Variants in PALM2AKAP2 observed in about 807,000 individuals in gnomAD.
The protein encoded by PALM2AKAP2 is PALM2-AKAP2 fusion protein.
PALM2AKAP2 carries 37 observed loss-of-function variants against 71.5 expected under a neutral mutation model. The observed-to-expected ratio is 0.52, with a 90% CI of 0.40 to 0.68. PALM2AKAP2 has a LOEUF of 0.68. Ranked by LOEUF, PALM2AKAP2 falls within the 30% of genes least tolerant of loss-of-function variation. The pLI is 0.00. For missense variants in PALM2AKAP2, 1,224 were observed against 1,191.8 expected, an observed-to-expected ratio of 1.03 and a Z score of -0.40; for synonymous variants, 468 against 478.8, an observed-to-expected ratio of 0.98 and a Z score of 0.29.
chr9:110,165,205 A>G (rs1185240797), intron 3 of PALM2AKAP2, among the ~76,000 whole-genome samples: 2 of 152,102 alleles, frequency 1.3e-5, no homozygotes, highest in Non-Finnish European at 1.5e-5. Context: ...TTGCCCAGAA[A>G]ATAAAGGAAT....
At chr9:109,995,002 A>G (rs1411818491) in intron 6 of PALM2AKAP2, among the ~76,000 whole-genome samples, 1 of 152,224 alleles carries the variant, frequency 6.6e-6, no homozygotes, top group Non-Finnish European at 1.5e-5. Context: ...CAGGGCTGCC[A>G]TGTATAACAC....
At chr9:110,132,032 C>CGCGTGT (rs1049587808) in intron 1 of PALM2AKAP2, among the ~76,000 whole-genome samples, 5 of 147,426 alleles carry the variant, frequency 3.4e-5, no homozygotes, top group Admixed American at 1.3e-4. Flanking sequence ...AAGTAACTAG[C>CGCGTGT]GTGTGTGTGT....
At chr9:109,657,782 C>G (rs1466037737) in intron 1 of PALM2AKAP2, among the ~76,000 whole-genome samples, 1 of 152,070 alleles carries the variant, frequency 6.6e-6, no homozygotes, top group African/African-American at 2.4e-5. Context: ...AACCTAAGCT[C>G]TCCCTGCTCA....
chr9:109,872,120 AG>A (rs1829614739), intron 2 of PALM2AKAP2, among the ~76,000 whole-genome samples: 1 of 152,148 alleles, frequency 6.6e-6, no homozygotes, highest in Non-Finnish European at 1.5e-5. Context: ...TTCCTGTGCC[AG>A]TATTGTTCTC....
At chr9:109,974,711 C>T (rs1431955835) in intron 6 of PALM2AKAP2, among the ~76,000 whole-genome samples, 3 of 152,144 alleles carry the variant, frequency 2.0e-5, no homozygotes, top group African/African-American at 7.2e-5. Context: ...TGCTGCAGCA[C>T]CAGAGTATGG....
intron 1 of PALM2AKAP2, among the ~76,000 whole-genome samples, chr9:110,117,437 C>G (rs1464600005): frequency 6.6e-6 from 1 of 152,184 alleles, no homozygotes; most frequent in East Asian, 1.9e-4. Flanking sequence ...TAATCCACAT[C>G]TCTATGAAAT....
chr9:109,843,716 A>C (rs891628461), intron 1 of PALM2AKAP2, among the ~76,000 whole-genome samples: 4 of 152,198 alleles, frequency 2.6e-5, no homozygotes, highest in South Asian at 2.1e-4. Flanking sequence ...TTATTAAAGG[A>C]AAGTGGCTGA....
chr9:109,659,571 T>G (rs1827359347), intron 1 of PALM2AKAP2, among the ~76,000 whole-genome samples: 1 of 152,334 alleles, frequency 6.6e-6, no homozygotes, highest in African/African-American at 2.4e-5. Context: ...AAGGTCCTTC[T>G]ACACCATAGT....
At chr9:110,084,046 C>T (rs1834506485) in intron 1 of PALM2AKAP2, among the ~76,000 whole-genome samples, 1 of 152,188 alleles carries the variant, frequency 6.6e-6, no homozygotes, top group African/African-American at 2.4e-5. Context: ...ATGCCAGAGG[C>T]TCAGGAAGTG....
chr9:109,941,854 C>A (rs1179297828), intron 6 of PALM2AKAP2, among the ~76,000 whole-genome samples: 4 of 152,182 alleles, frequency 2.6e-5, no homozygotes, highest in African/African-American at 9.6e-5. Flanking sequence ...TTCCAACAAT[C>A]TAGGGAAGAG....
In PALM2AKAP2 at chr9:110,016,831, C is replaced by A. The variant is rs146112590; in HGVS notation, c.582+792C>A. Among the ~76,000 whole-genome samples the A allele has an allele frequency of 1.2e-4, 18 of 152,240 alleles. No individual in the cohort carries two copies. The East Asian group carries it at 3.5e-3, about 29-fold the overall frequency. ...GAATATATGCTACTTATGAATTTTT[C>A]TTTGAAAAATAAGAAGTAATGTCTT... On this transcript the variant is annotated intron_variant, in intron 7 of 9. Transcript: ENST00000302798.
At position 109,999,842 on chromosome 9, in the gene PALM2AKAP2, A is replaced by G. The variant is rs150726883; in HGVS notation, c.497-16112A>G. Among the ~76,000 whole-genome samples the G allele has an allele frequency of 3.3e-3, 501 of 152,246 alleles. 1 individual carries two copies. Among genetic ancestry groups the G allele is most frequent in the African/African-American group, 0.011 (472 of 41,542 alleles). ...GAGATGCCACACTGGGGCTGAGCTA[A>G]GACACCACCAAGGAGGAGCTGGCAG... On this transcript the variant is annotated intron_variant, in intron 6 of 9. Transcript: ENST00000302798.
chr9:110,084,723 T>G (rs951527499), intron 1 of PALM2AKAP2, among the ~76,000 whole-genome samples: 1 of 149,148 alleles, frequency 6.7e-6, no homozygotes, highest in African/African-American at 2.6e-5. Flanking sequence ...TACCATACTT[T>G]GTTTGTTTGT....
At chr9:110,014,822 A>T (rs1294586913) in intron 6 of PALM2AKAP2, among the ~76,000 whole-genome samples, 4 of 86,270 alleles carry the variant, frequency 4.6e-5, no homozygotes, top group Non-Finnish European at 9.8e-5. Context: ...ATATATATAT[A>T]TATATATATA....
chr9:109,840,799 A>T (rs2131582167), intron 1 of PALM2AKAP2, among the ~76,000 whole-genome samples: 1 of 152,364 alleles, frequency 6.6e-6, no homozygotes, highest in South Asian at 2.1e-4. Flanking sequence ...AGAGAAATGC[A>T]GATCAAAACC....
At position 110,137,786 on chromosome 9, in the gene PALM2AKAP2, T is replaced by G. The variant is rs145450139; in HGVS notation, c.1816T>G (p.Ser606Ala). The G allele has an allele frequency of 3.0e-5, 48 of 1,614,070 alleles. No individual in the cohort carries two copies. In the African/African-American group the frequency reaches 5.7e-4, roughly 19 times the overall value. ...GACAACCAATGCCCTCCAGGAAAAT[T>G]CACTGGCTGATTTTTCTCTGCCCCA... is the stretch of plus-strand genomic sequence containing the variant. The change falls in exon 2 of 4, where the codon TCA (serine) becomes GCA (alanine). Residue 606 changes from serine (S) to alanine (A), a missense_variant. Transcript: ENST00000374525.
chr9:109,835,124 A>G (rs1828423204), intron 1 of PALM2AKAP2, among the ~76,000 whole-genome samples: 1 of 151,592 alleles, frequency 6.6e-6, no homozygotes, highest in Admixed American at 6.6e-5. Flanking sequence ...CCAGTGGTTG[A>G]GAAGCAGAGG....
rs34958946 is a variant in PALM2AKAP2, at chr9:110,111,086, C to CTTTTTTTTTTTTTTTTTTTTTTTTT, written c.157-25018_157-25017insTTTTTTTTTTTTTTTTTTTTTTTTT. On this transcript the variant is annotated intron_variant, in intron 1 of 3. Transcript: ENST00000374525. ...TCCTTTTTTCTTTTCTTTCTTTCTTCTTTTTTTTTTTTTTTTTTTTTTTGA... is the reference window on the plus strand; with the variant it reads ...TCCTTTTTTCTTTTCTTTCTTTCTTCTTTTTTTTTTTTTTTTTTTTTTTTTTTTTTTTTTTTTTTTTTTTTTTTGA... Among the ~76,000 whole-genome samples, 74 of 84,188 alleles carry CTTTTTTTTTTTTTTTTTTTTTTTTT rather than the reference C, an allele frequency of 8.8e-4. 1 individual carries two copies. The highest frequency in any genetic ancestry group is 1.2e-3 in the African/African-American group (24 of 20,334). 55.2% of individuals were successfully genotyped at this position (84,188 alleles called of 152,430 possible). A position where few individuals can be genotyped will look rare whatever the true frequency, so the allele number is the denominator to read the frequency against.
At chr9:109,842,156 T>G (rs1048278364) in intron 1 of PALM2AKAP2, among the ~76,000 whole-genome samples, 6 of 152,128 alleles carry the variant, frequency 3.9e-5, no homozygotes, top group African/African-American at 1.4e-4. Context: ...AAGAGGGTTG[T>G]TGTGACAATT....
Sources: allele counts gnomAD v4.1 joint callset (sites outside exome capture counted in the v4.1 genomes callset), GRCh38; gene constraint gnomAD v4.1.1; transcripts MANE v1.5; gene names NCBI Gene and HGNC (gene_info 2026-07-23, HGNC 2026-07-21).